The following DNAH14 variants were observed in gnomAD, a reference collection of about 807,000 sequenced individuals.
DNAH14 encodes axonemal beta dynein heavy chain 14.
In DNAH14, 478 loss-of-function variants were observed where a neutral mutation model predicts 520.9. The observed-to-expected ratio is 0.92, with a 90% CI of 0.85 to 0.99. DNAH14 has a LOEUF of 0.99. DNAH14 is among the 50% of genes least tolerant of loss of function. The probability of loss-of-function intolerance (pLI) is 0.00; values close to 1 mark genes in which losing one functional copy is unlikely to be tolerated. For synonymous variants in DNAH14, 1,581 were observed against 1,757.2 expected, an observed-to-expected ratio of 0.90 and a Z score of 2.51; for missense variants, 4,831 against 5,234.5, an observed-to-expected ratio of 0.92 and a Z score of 2.38.
rs2072979911 is a variant in DNAH14 at position 225,080,379 on chromosome 1, A to G, written c.2767A>G (p.Ile923Val). The change falls in exon 19 of 86, where the codon ATA becomes GTA. Residue 923 changes from isoleucine to valine, a missense_variant and splice_region_variant. Ile to Val is a conservative substitution (Grantham distance 29). Coordinates refer to ENST00000682510, the MANE Select transcript of DNAH14 (RefSeq NM_001367479.1). Reference protein sequence around the residue: ...HVDVGNLKAKIRTPLLLCAGT... With the variant: ...HVDVGNLKAKVRTPLLLCAGT... The stretch of plus-strand genomic sequence containing the variant: ...AGAAAGTCCTACTCTTATTTTTTAG[A>G]TAAGAACTCCTCTTCTGTTATGTGC... The G allele has an allele frequency of 2.0e-6, 3 of 1,517,520 alleles. No homozygotes were observed. The highest frequency in any genetic ancestry group is 1.8e-6 in the Non-Finnish European group (2 of 1,132,660). The allele number at this position is 1,517,520 out of a possible 1,614,324, so 94.0% of individuals were successfully genotyped here.
intron 43 of DNAH14, 58 bp downstream of exon 43, chr1:225,240,880 A>T (rs942276062): frequency 2.1e-5 from 26 of 1,233,348 alleles, no homozygotes; most frequent in Non-Finnish European, 2.9e-5. Context: ...ATTTAAAGCA[A>T]TGCTTGGCTT....
At chr1:224,973,539 A>G (rs2061628742) in intron 7 of DNAH14, among the ~76,000 whole-genome samples, 1 of 152,204 alleles carries the variant, frequency 6.6e-6, no homozygotes, top group Admixed American at 6.5e-5. Context: ...CTTTTTCAAA[A>G]TGCATGACAA....
rs561694975 is a variant in DNAH14, at chr1:225,335,109, A to G, written c.10080+1603A>G. ...TACATATATACATATATGTATATAT[A>G]CATATATACATGTGTACATATGTGC... On this transcript the variant is annotated intron_variant, in intron 66 of 85. Coordinates refer to ENST00000682510, the MANE Select transcript of DNAH14 (RefSeq NM_001367479.1). 1.1e-4 allele frequency among the ~76,000 whole-genome samples: 16 copies of G among 148,540 alleles called. No homozygotes were observed. The South Asian group carries it at 3.1e-3, about 29-fold the overall frequency.
intron 21 of DNAH14, among the ~76,000 whole-genome samples, chr1:225,096,151 G>C (rs571398410): frequency 2.6e-5 from 4 of 151,632 alleles, no homozygotes; most frequent in Non-Finnish European, 5.9e-5. Flanking sequence ...TGTTGTTGTT[G>C]TTGTGTTTTT....
chr1:225,253,862 G>A (rs748832944), intron 44 of DNAH14, among the ~76,000 whole-genome samples: 2 of 152,038 alleles, frequency 1.3e-5, no homozygotes, highest in African/African-American at 2.4e-5. Context: ...ATTCACTGCC[G>A]CTTGTCACTC....
At chr1:225,016,587 C>T (rs2065232932) in intron 10 of DNAH14, among the ~76,000 whole-genome samples, 2 of 152,158 alleles carry the variant, frequency 1.3e-5, no homozygotes, top group Admixed American at 1.3e-4. Context: ...GTTCATTTCT[C>T]TTCCAAGACA....
intron 68 of DNAH14, among the ~76,000 whole-genome samples, chr1:225,338,835 A>G (rs1192607955): frequency 6.6e-6 from 1 of 152,196 alleles, no homozygotes; most frequent in Non-Finnish European, 1.5e-5. Context: ...GGCAAAGGAA[A>G]CTAGAAGACT....
In DNAH14 at chr1:225,181,717, G is replaced by A. The variant is rs551658274; in HGVS notation, c.5536-3574G>A. Among the ~76,000 whole-genome samples the A allele has an allele frequency of 5.3e-5, 8 of 151,548 alleles. No homozygotes were observed. The South Asian group carries it at 1.5e-3, about 28-fold the overall frequency. ...GTTTGCTTGTTGAATTCTTTAAGTT[G>A]CTTATAGATTTTTGATACTGGACCT... is the stretch of plus-strand genomic sequence containing the variant. On this transcript the variant is annotated intron_variant, in intron 36 of 85. Coordinates refer to ENST00000682510, the MANE Select transcript of DNAH14 (RefSeq NM_001367479.1).
intron 52 of DNAH14, among the ~76,000 whole-genome samples, chr1:225,275,110 A>G (rs2093434668): frequency 6.6e-6 from 1 of 152,170 alleles, no homozygotes; most frequent in Non-Finnish European, 1.5e-5. Context: ...CATTATTCAA[A>G]CCTAGGATAT....
chr1:225,011,578 G>A (rs1463022961), intron 10 of DNAH14, among the ~76,000 whole-genome samples: 1 of 152,074 alleles, frequency 6.6e-6, no homozygotes. Flanking sequence ...CTCTTTGTAG[G>A]TCTCTAAGAA....
intron 1 of DNAH14, among the ~76,000 whole-genome samples, chr1:224,947,369 G>T (rs1571969269): frequency 6.6e-6 from 1 of 151,732 alleles, no homozygotes; most frequent in African/African-American, 2.4e-5. Flanking sequence ...AAATGTCTTG[G>T]CTATTCCTGA....
chr1:225,265,356 CA>C lies in DNAH14; in HGVS notation c.7403del (p.Asn2468ThrfsTer5), dbSNP rs1421316018. The C allele has an allele frequency of 2.6e-6, 4 of 1,531,556 alleles. No individual in the cohort carries two copies. The highest frequency in any genetic ancestry group is 3.5e-6 in the Non-Finnish European group (4 of 1,141,518). The allele number at this position is 1,531,556 out of a possible 1,614,324, so 94.9% of individuals were successfully genotyped here. On this transcript the variant is annotated frameshift_variant, in exon 48 of 86. Transcript: ENST00000682510. LOFTEE classifies it high-confidence loss of function. Reference sequence around the variant, plus strand: ...AGAACTAAAGATACTCTTGGAGCACCAAAAAACAACCGGGTAAAACACCTCT... The same window carrying C: ...AGAACTAAAGATACTCTTGGAGCACCAAAAACAACCGGGTAAAACACCTCT... ...IRRTKDTLGA[P>X]KNNRILIFID...
chr1:224,954,769 ATAT>A (rs1298047146), intron 2 of DNAH14, among the ~76,000 whole-genome samples, 187 bp from the exon 3 acceptor site: 3 of 152,162 alleles, frequency 2.0e-5, no homozygotes, highest in Non-Finnish European at 4.4e-5. Context: ...GAGTGAATAG[ATAT>A]TATATTGTAT....
chr1:224,947,397 TA>T (rs2059914104), intron 1 of DNAH14, among the ~76,000 whole-genome samples: 2 of 152,188 alleles, frequency 1.3e-5, no homozygotes. Flanking sequence ...TTCTTCTATA[TA>T]AATTTTTAAT....
chr1:225,310,537 T>C (rs1014994521), intron 60 of DNAH14, among the ~76,000 whole-genome samples: 5 of 152,270 alleles, frequency 3.3e-5, no homozygotes, highest in Non-Finnish European at 5.9e-5. Context: ...CCATGGTAGT[T>C]TGCTGCACCC....
chr1:225,178,560 G>A (rs536842178), intron 36 of DNAH14, among the ~76,000 whole-genome samples: 50 of 152,248 alleles, frequency 3.3e-4, no homozygotes, highest in Admixed American at 4.6e-4. Context: ...AACTATATCA[G>A]GCTATGTTTA....
intron 55 of DNAH14, among the ~76,000 whole-genome samples, chr1:225,290,894 T>C (rs887286512): frequency 1.3e-5 from 2 of 151,660 alleles, no homozygotes; most frequent in Non-Finnish European, 2.9e-5. Context: ...ATCCTCCTTC[T>C]AGCCATTTGA....
intron 42 of DNAH14, 81 bp from the exon 43 acceptor site, chr1:225,240,512 C>A: frequency 1.2e-6 from 1 of 823,566 alleles, no homozygotes; most frequent in Non-Finnish European, 1.9e-6. Context: ...GAAACTTTAA[C>A]ATTATATTAA....
Position 225,043,046 on chromosome 1 carries a change from G to A in DNAH14, c.1700G>A (p.Ser567Asn). Residue 567 changes from serine to asparagine, a missense_variant, in exon 13 of 86, where the codon AGT becomes AAT. Physicochemically the swap from Ser to Asn is conservative, Grantham distance 46. Transcript: ENST00000682510. ...NKDNCVKKHS[S>N]EELLPKAKKS... ...GACAATTGTGTCAAAAAACACTCAA[G>A]TGAAGAATTGCTCCCAAAAGCCAAG... is the stretch of plus-strand genomic sequence containing the variant. 6.4e-7 allele frequency: 1 copy of A among 1,551,620 alleles called. No homozygotes were observed. The highest frequency in any genetic ancestry group is 8.7e-7 in the Non-Finnish European group (1 of 1,146,966).
Sources: gnomAD v4.1 joint callset for allele counts (sites outside exome capture counted in the v4.1 genomes callset) on GRCh38, gnomAD v4.1.1 for gene constraint, MANE v1.5 for transcripts, NCBI Gene and HGNC (gene_info 2026-07-23, HGNC 2026-07-21) for gene names.